Variants in UBE3C observed in about 807,000 individuals in gnomAD.
UBE3C encodes the protein ubiquitin-protein ligase E3C.
In UBE3C, 42 loss-of-function variants were observed where a neutral mutation model predicts 129.4. The ratio of observed to expected loss-of-function variants is 0.32; its 90% CI spans 0.25 to 0.42. UBE3C has a LOEUF of 0.42. Ranked by LOEUF, UBE3C falls within the 10% of genes least tolerant of loss-of-function variation. The probability of loss-of-function intolerance (pLI) is 1.00; values close to 1 mark genes in which losing one functional copy is unlikely to be tolerated. For synonymous variants in UBE3C, 510 were observed against 492.4 expected, an observed-to-expected ratio of 1.04 and a Z score of -0.47; for missense variants, 1,049 against 1,319.1, an observed-to-expected ratio of 0.80 and a Z score of 3.17.
At position 157,257,005 on chromosome 7, in the gene UBE3C, T is replaced by C; in HGVS notation, c.3042T>C (p.Phe1014=). 6.2e-7 allele frequency: 1 copy of C among 1,614,236 alleles called. No individual in the cohort carries two copies. The highest frequency in any genetic ancestry group is 1.3e-5 in the African/African-American group (1 of 75,064). The change falls in exon 22 of 23, where the codon TTT becomes TTC. Residue 1014 remains phenylalanine (F), a synonymous_variant. Transcript: ENST00000348165. ...TDEEKRKLLK[F]VTSCSRPPLL... ...AAGAAAAGCGCAAACTGCTGAAGTT[T>C]GTAACAAGCTGCTCTCGACCCCCTC...
At chr7:157,214,741 A>G (rs968689715) in intron 13 of UBE3C, among the ~76,000 whole-genome samples, 3 of 152,230 alleles carry the variant, frequency 2.0e-5, no homozygotes, top group African/African-American at 4.8e-5. Context: ...AGGATAGCAC[A>G]TGTAATTAGC....
Position 157,154,105 on chromosome 7 carries a change from C to T in UBE3C, c.67-9705C>T, listed in dbSNP as rs541707339. Among the ~76,000 whole-genome samples, 146 of 152,016 alleles carry T rather than the reference C, an allele frequency of 9.6e-4. 1 individual carries two copies. The highest frequency in any genetic ancestry group is 3.4e-3 in the Middle Eastern group (1 of 294). On this transcript the variant is annotated intron_variant, in intron 1 of 22. Transcript: ENST00000348165. The stretch of plus-strand genomic sequence containing the variant: ...GAGGGAGGCCGAGGTGGGTGGATCA[C>T]GAGGTCAGGAGTTCAGACCAGTCTG...
chr7:157,152,649 G>T (rs1340597285), intron 1 of UBE3C, among the ~76,000 whole-genome samples: 1 of 152,138 alleles, frequency 6.6e-6, no homozygotes, highest in Non-Finnish European at 1.5e-5. Flanking sequence ...AGAAATCAAG[G>T]CCTGGAGTCC....
intron 10 of UBE3C, among the ~76,000 whole-genome samples, chr7:157,195,048 GAA>G (rs1262234498): frequency 6.6e-6 from 1 of 152,218 alleles, no homozygotes; most frequent in Non-Finnish European, 1.5e-5. Flanking sequence ...CTTCTCTAGA[GAA>G]AGTGATGAAG....
At chr7:157,146,491 G>T (rs1325020066) in intron 1 of UBE3C, among the ~76,000 whole-genome samples, 2 of 152,092 alleles carry the variant, frequency 1.3e-5, no homozygotes, top group African/African-American at 4.8e-5. Flanking sequence ...AAAGTGCTGG[G>T]ATTACAGGCA....
At chr7:157,192,227 T>G in intron 10 of UBE3C, 1 of 298,896 alleles carries the variant, frequency 3.3e-6, no homozygotes. Context: ...GAAATATGAG[T>G]ACACTTGGAA....
In UBE3C at chr7:157,248,465, C is replaced by T; in HGVS notation, c.2579C>T (p.Ala860Val). ...TSADVDIHHL[A>V]SLDPEVYKNL... ...GCCGACGTGGACATTCACCACCTCG[C>T]CTCCCTAGACCCTGAGGTGTATAAG... is the stretch of plus-strand genomic sequence containing the variant. Residue 860 changes from alanine to valine, a missense_variant, in exon 19 of 23, where the codon GCC becomes GTC. Ala to Val is a moderately conservative substitution (Grantham distance 64). This residue lies in a region of UBE3C where 243 missense variants were observed against 368.7 expected (regional missense o/e 0.66). Transcript: ENST00000348165. 6.2e-7 allele frequency: 1 copy of T among 1,613,604 alleles called. No homozygotes were observed. Among genetic ancestry groups the T allele is most frequent in the Non-Finnish European group, 8.5e-7 (1 of 1,180,018 alleles).
intron 2 of UBE3C, among the ~76,000 whole-genome samples, chr7:157,166,493 C>T (rs570688498): frequency 6.6e-5 from 10 of 152,276 alleles, no homozygotes; most frequent in Admixed American, 4.6e-4. Flanking sequence ...GTATTCTCAG[C>T]ACTTTGGGAG....
chr7:157,169,621 C>A (rs1184345618), intron 3 of UBE3C, among the ~76,000 whole-genome samples: 1 of 152,188 alleles, frequency 6.6e-6, no homozygotes. Context: ...AATGATTCGC[C>A]TGCCTTGGCC....
In UBE3C at chr7:157,139,329, G is replaced by A. The variant is rs1408700296; in HGVS notation, c.57G>A (p.Ala19=). 1 of 1,582,154 alleles carries A rather than the reference G, an allele frequency of 6.3e-7. No individual in the cohort carries two copies. The change falls in exon 1 of 23, where the codon GCG becomes GCA. Residue 19 remains alanine, a synonymous_variant. Coordinates refer to ENST00000348165, the MANE Select transcript of UBE3C (RefSeq NM_014671.3). ...KTRPKVSLGG[A]SRKEEKASLL... is the part of the protein sequence containing the mutation. ...GGCCCAAGGTGTCCCTTGGCGGCGC[G>A]AGCAGGAAGGTGAGGGCCGGGCTGG...
At chr7:157,192,814 C>G in intron 10 of UBE3C, 3 of 1,273,918 alleles carry the variant, frequency 2.4e-6, no homozygotes, top group Non-Finnish European at 3.4e-6. Context: ...ACTGCTTCAA[C>G]AAACCAGAAG....
intron 22 of UBE3C, among the ~76,000 whole-genome samples, chr7:157,257,483 T>C (rs1377293038): frequency 6.6e-6 from 1 of 152,204 alleles, no homozygotes; most frequent in African/African-American, 2.4e-5. Context: ...GGCTTATTTT[T>C]AGCAATTAAA....
intron 11 of UBE3C, among the ~76,000 whole-genome samples, chr7:157,205,656 G>A (rs1809411652): frequency 6.6e-6 from 1 of 152,134 alleles, no homozygotes; most frequent in Admixed American, 6.6e-5. Context: ...CTTTTTGAAT[G>A]TCCCACAATG....
chr7:157,253,607 C>A (rs142446433), intron 19 of UBE3C, among the ~76,000 whole-genome samples: 1 of 151,824 alleles, frequency 6.6e-6, no homozygotes, highest in East Asian at 2.0e-4. Flanking sequence ...TCTCTTCTGA[C>A]TTAACGGTGA....
chr7:157,248,522 A>T lies in UBE3C; in HGVS notation c.2636A>T (p.Asp879Val). ...NLLFLKSYED[D>V]VEELGLNFTV... ...CTCTTTCTGAAGAGCTACGAAGACG[A>T]TGTGGAGGAGCTTGGGCTGAACTTC... is the stretch of plus-strand genomic sequence containing the variant. The change falls in exon 19 of 23, where the codon GAT becomes GTT. Residue 879 changes from aspartate to valine, a missense_variant. By Grantham distance (152) the Asp-to-Val change is radical (BLOSUM62 -3). Around this residue, in one of 4 missense-constraint regions of UBE3C, gnomAD observed 243 missense variants for 368.7 expected, o/e 0.66. Coordinates refer to ENST00000348165, the MANE Select transcript of UBE3C (RefSeq NM_014671.3). The T allele has an allele frequency of 6.2e-7, 1 of 1,613,060 alleles. No homozygotes were observed.
At chr7:157,198,697 G>A (rs1408426879) in intron 10 of UBE3C, among the ~76,000 whole-genome samples, 1 of 152,082 alleles carries the variant, frequency 6.6e-6, no homozygotes, top group East Asian at 1.9e-4. Context: ...ACCACACCTA[G>A]CAAATTTTTG....
At chr7:157,169,810 A>G (rs1447909029) in intron 3 of UBE3C, among the ~76,000 whole-genome samples, 1 of 152,166 alleles carries the variant, frequency 6.6e-6, no homozygotes, top group African/African-American at 2.4e-5. Flanking sequence ...CCTCCTGAGT[A>G]GCTGGGACTA....
intron 18 of UBE3C, among the ~76,000 whole-genome samples, chr7:157,241,368 A>G (rs746363966): frequency 1.3e-5 from 2 of 152,232 alleles, no homozygotes; most frequent in African/African-American, 2.4e-5. Flanking sequence ...CTTGTGGCAT[A>G]TATATGAAGG....
At chr7:157,235,869 C>G (rs1796139407) in intron 18 of UBE3C, among the ~76,000 whole-genome samples, 1 of 152,200 alleles carries the variant, frequency 6.6e-6, no homozygotes, top group African/African-American at 2.4e-5. Flanking sequence ...TGCTAATGTG[C>G]TAACCATTGC....
Sources: gnomAD v4.1 joint callset for allele counts (sites outside exome capture counted in the v4.1 genomes callset) on GRCh38, gnomAD v4.1.1 for gene constraint, gnomAD v4.1.1 regional missense constraint, MANE v1.5 for transcripts, NCBI Gene and HGNC (gene_info 2026-07-23, HGNC 2026-07-21) for gene names.